DTHD1: variants seen among roughly 807,000 people sequenced by gnomAD.
DTHD1 encodes death domain containing 1, also known as death domain-containing protein 1.
Under a neutral mutation model 74.8 loss-of-function variants are expected in DTHD1, and 59 were observed. That is an observed-to-expected ratio of 0.79 (90% CI 0.64 to 0.98). The LOEUF is 0.98. DTHD1 is among the 50% of genes least tolerant of loss of function. DTHD1 has a pLI of 0.00. For missense variants in DTHD1, 1,051 were observed against 1,065.4 expected (o/e 0.99, Z 0.19); for synonymous variants, 365 against 371.1 (o/e 0.98, Z 0.19).
At chr4:36,298,877 T>C (rs1193602797) in intron 5 of DTHD1, among the ~76,000 whole-genome samples, 2 of 152,156 alleles carry the variant, frequency 1.3e-5, no homozygotes, top group Admixed American at 6.6e-5. Context: ...TCCTACACAA[T>C]GCAATTGTTT....
At chr4:36,317,996 T>C in intron 8 of DTHD1, among the ~76,000 whole-genome samples, 1 of 152,222 alleles carries the variant, frequency 6.6e-6, no homozygotes. Flanking sequence ...TCACAAGTTG[T>C]GTAATAACCA....
At chr4:36,337,935 C>A (rs1282874887) in intron 8 of DTHD1, among the ~76,000 whole-genome samples, 2 of 152,160 alleles carry the variant, frequency 1.3e-5, no homozygotes, top group African/African-American at 4.8e-5. Flanking sequence ...TCAATGTATT[C>A]TTTACCCAGA....
At chr4:36,340,798 T>C (rs1560822899) in intron 9 of DTHD1, among the ~76,000 whole-genome samples, 1 of 152,102 alleles carries the variant, frequency 6.6e-6, no homozygotes, top group Non-Finnish European at 1.5e-5. Flanking sequence ...TAAGAGTTGA[T>C]GCATTCATTG....
At chr4:36,330,108 C>T (rs1314560373) in intron 8 of DTHD1, among the ~76,000 whole-genome samples, 1 of 152,112 alleles carries the variant, frequency 6.6e-6, no homozygotes, top group African/African-American at 2.4e-5. Context: ...TTTCTAATGG[C>T]ATTGTATATG....
chr4:36,306,710 GC>G (rs1209758183), intron 6 of DTHD1, among the ~76,000 whole-genome samples: 1 of 152,148 alleles, frequency 6.6e-6, no homozygotes, highest in African/African-American at 2.4e-5. Flanking sequence ...TTACTTCAGT[GC>G]CCTCATTTTG....
intron 7 of DTHD1, among the ~76,000 whole-genome samples, chr4:36,313,427 A>G (rs1377432202): frequency 6.6e-6 from 1 of 151,668 alleles, no homozygotes; most frequent in Non-Finnish European, 1.5e-5. Context: ...GAAAAAAAAA[A>G]AAAAACAGAG....
At chr4:36,282,633 A>G (rs944703625) in intron 1 of DTHD1, among the ~76,000 whole-genome samples, 1 of 152,130 alleles carries the variant, frequency 6.6e-6, no homozygotes, top group South Asian at 2.1e-4. Flanking sequence ...AAGAATGTGG[A>G]ATCTGATGAA....
At chr4:36,299,829 C>T (rs989684665) in intron 5 of DTHD1, among the ~76,000 whole-genome samples, 1 of 151,998 alleles carries the variant, frequency 6.6e-6, no homozygotes, top group East Asian at 1.9e-4. Flanking sequence ...TTGTTTTAGA[C>T]AATTTTATTT....
chr4:36,310,101 T>C (rs1052188440), intron 7 of DTHD1, among the ~76,000 whole-genome samples: 5 of 152,190 alleles, frequency 3.3e-5, no homozygotes, highest in Admixed American at 6.5e-5. Context: ...CAGTCCACCA[T>C]TGATGGGCAC....
At position 36,290,462 on chromosome 4, in the gene DTHD1, G is replaced by A. The variant is rs781043052; in HGVS notation, c.977G>A (p.Arg326Gln). Residue 326 changes from arginine (R) to glutamine (Q), a missense_variant, in exon 3 of 10, where the codon CGG becomes CAG. Physicochemically the swap from Arg to Gln is conservative, Grantham distance 43. Transcript: ENST00000639862. ...PSYVLQQLEC[R>Q]IINHMSSLIV... ...TATGTTCTACAACAACTAGAATGCC[G>A]GATAATAAATCACATGAGTTCTTTA... 45 of 1,551,672 alleles carry A rather than the reference G, an allele frequency of 2.9e-5. No individual in the cohort carries two copies. Among genetic ancestry groups the A allele is most frequent in the Admixed American group, 9.8e-5 (5 of 50,974 alleles).
At position 36,333,646 on chromosome 4, in the gene DTHD1, C is replaced by A. The variant is rs1758829197; in HGVS notation, c.2341-5466C>A. 3 of 152,298 alleles carry A rather than the reference C, an allele frequency of 2.0e-5. No homozygotes were observed. In the South Asian group the frequency reaches 6.2e-4, roughly 32 times the overall value. 9.4% of individuals were successfully genotyped at this position (152,298 alleles called of 1,614,324 possible). ...AGCAGTAGGGCAGCAGCTGTGCGAA[C>A]CTGTGGAAACCACAGATGTCATCTG... On this transcript the variant is annotated intron_variant, in intron 8 of 9. Transcript: ENST00000639862.
At chr4:36,318,113 G>A (rs1008902970) in intron 8 of DTHD1, among the ~76,000 whole-genome samples, 1 of 152,152 alleles carries the variant, frequency 6.6e-6, no homozygotes, top group Non-Finnish European at 1.5e-5. Flanking sequence ...TATTTTATGG[G>A]AAACTGAGGC....
chr4:36,315,958 C>G (rs572421064), intron 7 of DTHD1, among the ~76,000 whole-genome samples: 17 of 152,264 alleles, frequency 1.1e-4, no homozygotes, highest in African/African-American at 4.1e-4. Flanking sequence ...TTGTTTGAGA[C>G]GGAGTCTCCT....
At chr4:36,293,766 T>A in intron 4 of DTHD1, 61 bp downstream of exon 4, 1 of 1,346,258 alleles carries the variant, frequency 7.4e-7, no homozygotes, top group Non-Finnish European at 9.8e-7. Context: ...TCAAGCATGG[T>A]TCTAAACAAC....
Position 36,316,254 on chromosome 4 carries a change from A to G in DTHD1, c.2108A>G (p.Asp703Gly), listed in dbSNP as rs865988968. The change falls in exon 8 of 10, where the codon GAT becomes GGT. Residue 703 changes from aspartate (D) to glycine (G), a missense_variant. Asp to Gly is a moderately conservative substitution (Grantham distance 94, BLOSUM62 -1). Transcript: ENST00000639862. ...GNIFASSNGK[D>G]YGKDYTLIFH... is the part of the protein sequence containing the mutation. ...TACTTCTATTTAGGCAACGGGAAGGATTATGGAAAAGACTACACACTTATT... is the reference window on the plus strand; with the variant it reads ...TACTTCTATTTAGGCAACGGGAAGGGTTATGGAAAAGACTACACACTTATT... The G allele has an allele frequency of 1.3e-6, 2 of 1,550,730 alleles. No individual in the cohort carries two copies. The highest frequency in any genetic ancestry group is 1.7e-4 in the Middle Eastern group (1 of 5,988).
chr4:36,311,578 T>C (rs1757413384), intron 7 of DTHD1: 1 of 152,150 alleles, frequency 6.6e-6, no homozygotes, highest in South Asian at 2.1e-4. Context: ...CTTATTTTAT[T>C]TTTTAATAGT....
intron 5 of DTHD1, among the ~76,000 whole-genome samples, chr4:36,302,319 G>T (rs1011962505): frequency 6.6e-6 from 1 of 152,208 alleles, no homozygotes; most frequent in African/African-American, 2.4e-5. Flanking sequence ...ATTATGTAGG[G>T]TTTTTTTCTC....
chr4:36,298,053 T>C (rs923894171), intron 5 of DTHD1, among the ~76,000 whole-genome samples: 1 of 152,074 alleles, frequency 6.6e-6, no homozygotes, highest in African/African-American at 2.4e-5. Context: ...ACTTTTTTTT[T>C]GCCTTTGTAC....
At chr4:36,290,326 A>T in intron 2 of DTHD1, 47 bp from the exon 3 acceptor site, 1 of 1,491,746 alleles carries the variant, frequency 6.7e-7, no homozygotes, top group Non-Finnish European at 9.0e-7. Flanking sequence ...GCTGTAAAGT[A>T]CATAAATCAA....
Sources: allele counts gnomAD v4.1 joint callset (sites outside exome capture counted in the v4.1 genomes callset), GRCh38; gene constraint gnomAD v4.1.1; transcripts MANE v1.5; gene names NCBI Gene and HGNC (gene_info 2026-07-23, HGNC 2026-07-21).